The following SCAI variants were observed in gnomAD, a reference collection of about 807,000 sequenced individuals.
SCAI encodes the protein suppressor of cancer cell invasion.
In SCAI, 24 loss-of-function variants were observed where a neutral mutation model predicts 92.2. That is an observed-to-expected ratio of 0.26 (90% confidence interval 0.19 to 0.37). The LOEUF is 0.37. Among genes scored for constraint, SCAI ranks in the 10% least tolerant of loss-of-function variants. The probability of loss-of-function intolerance (pLI) is 1.00; values close to 1 mark genes in which losing one functional copy is unlikely to be tolerated. For missense variants in SCAI, 450 were observed against 736.2 expected, an observed-to-expected ratio of 0.61 and a Z score of 4.50; for synonymous variants, 261 against 258.6, an observed-to-expected ratio of 1.01 and a Z score of -0.09.
At chr9:125,121,178 A>G (rs1026237389) in intron 2 of SCAI, among the ~76,000 whole-genome samples, 2 of 151,428 alleles carry the variant, frequency 1.3e-5, no homozygotes, top group Non-Finnish European at 2.9e-5. Context: ...AAAATCCTTA[A>G]AAGTGAAATA....
At chr9:125,071,352 T>G (rs1028822704) in intron 2 of SCAI, among the ~76,000 whole-genome samples, 14 of 152,170 alleles carry the variant, frequency 9.2e-5, no homozygotes, top group African/African-American at 2.4e-4. Flanking sequence ...TGAACATGAC[T>G]GTGCCACTGC....
At chr9:125,084,175 T>TA in intron 2 of SCAI, among the ~76,000 whole-genome samples, 1 of 131,064 alleles carries the variant, frequency 7.6e-6, no homozygotes, top group South Asian at 2.8e-4. Flanking sequence ...TTTTTTTTTT[T>TA]TTTTTTTTTT....
rs1350623294 is a variant in SCAI at position 125,018,809 on chromosome 9, C to A, written c.851G>T (p.Cys284Phe). The change falls in exon 9 of 18, where the codon TGT becomes TTT. Residue 284 changes from cysteine to phenylalanine, a missense_variant. Physicochemically the swap from Cys to Phe is radical, Grantham distance 205. Coordinates refer to ENST00000336505, the MANE Select transcript of SCAI (RefSeq NM_001144877.3). ...TTCACAATTCTTTACCTGATTATTA[C>A]AATTACCAATAATGAGTGCGTCAGC... is the stretch of plus-strand genomic sequence containing the variant. ...SLADALIIGN[C>F]NNQVKFSELT... 5.6e-6 allele frequency: 9 copies of A among 1,607,698 alleles called. No individual in the cohort carries two copies. The highest frequency in any genetic ancestry group is 1.7e-4 in the Middle Eastern group (1 of 6,036).
intron 17 of SCAI, among the ~76,000 whole-genome samples, chr9:124,962,566 G>A (rs760387055): frequency 2.6e-5 from 4 of 152,214 alleles, no homozygotes; most frequent in South Asian, 2.1e-4. Context: ...GGCTGCTAAC[G>A]TAGCTACAGT....
intron 17 of SCAI, among the ~76,000 whole-genome samples, chr9:124,959,427 A>G (rs965705395): frequency 2.0e-5 from 3 of 149,882 alleles, no homozygotes; most frequent in African/African-American, 7.3e-5. Context: ...GAATGTAACT[A>G]TGGTACAACC....
chr9:125,044,084 C>T (rs1833386099), intron 3 of SCAI, among the ~76,000 whole-genome samples: 1 of 152,288 alleles, frequency 6.6e-6, no homozygotes, highest in East Asian at 1.9e-4. Flanking sequence ...AAAGTTGTGG[C>T]CAAGCCTGGG....
intron 17 of SCAI, among the ~76,000 whole-genome samples, chr9:124,965,616 T>C (rs116019319): frequency 0.027 from 4,086 of 152,302 alleles, 204 homozygotes; most frequent in African/African-American, 0.091. Context: ...TCACAAAAAG[T>C]GTAAGGTTTT....
At chr9:124,976,932 G>T (rs769523085) in intron 14 of SCAI, among the ~76,000 whole-genome samples, 1 of 151,046 alleles carries the variant, frequency 6.6e-6, no homozygotes, top group African/African-American at 2.4e-5. Flanking sequence ...GCAATGGCAC[G>T]ATCTCGGTTC....
chr9:125,097,833 A>C (rs1462859044), intron 2 of SCAI, among the ~76,000 whole-genome samples: 1 of 151,772 alleles, frequency 6.6e-6, no homozygotes, highest in East Asian at 1.9e-4. Context: ...TCAAGAATTA[A>C]AATAATAGCA....
intron 2 of SCAI, among the ~76,000 whole-genome samples, chr9:125,062,478 C>T (rs1347843219): frequency 6.6e-6 from 1 of 150,690 alleles, no homozygotes; most frequent in Non-Finnish European, 1.5e-5. Flanking sequence ...AGGCTGGGCG[C>T]AGTGGCTCAT....
intron 3 of SCAI, among the ~76,000 whole-genome samples, chr9:125,053,302 C>T (rs1833598761): frequency 6.6e-6 from 1 of 152,092 alleles, no homozygotes; most frequent in African/African-American, 2.4e-5. Flanking sequence ...TCATTGCACT[C>T]CAGCCCGGAC....
intron 9 of SCAI, among the ~76,000 whole-genome samples, chr9:125,017,609 G>A (rs1430296994): frequency 1.3e-5 from 2 of 152,076 alleles, no homozygotes; most frequent in Non-Finnish European, 2.9e-5. Flanking sequence ...TGTATTCACT[G>A]GTGTAATTTC....
At chr9:125,100,827 G>C (rs1182914761) in intron 2 of SCAI, among the ~76,000 whole-genome samples, 1 of 152,202 alleles carries the variant, frequency 6.6e-6, no homozygotes, top group East Asian at 1.9e-4. Context: ...TAAACCGTGA[G>C]GGAAATGTGG....
intron 2 of SCAI, among the ~76,000 whole-genome samples, chr9:125,061,155 G>A (rs989199622): frequency 1.3e-5 from 2 of 152,138 alleles, no homozygotes; most frequent in East Asian, 3.9e-4. Flanking sequence ...AAATTAGCTG[G>A]GCGTGGTGGC....
intron 2 of SCAI, among the ~76,000 whole-genome samples, chr9:125,084,158 CTTTTTTTTTTT>C (rs34786493): frequency 9.5e-4 from 62 of 65,136 alleles, no homozygotes; most frequent in African/African-American, 3.8e-3. Flanking sequence ...TTGGCTGCTG[CTTTTTTTTTTT>C]TTTTTTTTTT....
At chr9:125,046,194 G>GATATATATATATATATAT (rs1554784565) in intron 3 of SCAI, among the ~76,000 whole-genome samples, 1 of 15,526 alleles carries the variant, frequency 6.4e-5, no homozygotes, top group Non-Finnish European at 1.4e-4. Context: ...AAGAAATTGT[G>GATATATATATATATATAT]AGATATATAT....
At chr9:125,022,134 C>A (rs991404867) in intron 6 of SCAI, among the ~76,000 whole-genome samples, 3 of 151,984 alleles carry the variant, frequency 2.0e-5, no homozygotes, top group African/African-American at 7.3e-5. Context: ...TATTAGATAT[C>A]ATATATCAAA....
intron 2 of SCAI, among the ~76,000 whole-genome samples, chr9:125,132,572 T>C (rs1835425603): frequency 4.6e-5 from 7 of 152,198 alleles, no homozygotes; most frequent in Admixed American, 4.6e-4. Flanking sequence ...ACCGCCTGGT[T>C]AAAGACAGTT....
intron 13 of SCAI, among the ~76,000 whole-genome samples, chr9:124,996,048 T>A (rs563889189): frequency 1.3e-5 from 2 of 152,196 alleles, no homozygotes; most frequent in Non-Finnish European, 2.9e-5. Flanking sequence ...AACTTCATTA[T>A]ATTTCAAATA....
Sources: allele counts gnomAD v4.1 joint callset (sites outside exome capture counted in the v4.1 genomes callset), GRCh38; gene constraint gnomAD v4.1.1; transcripts MANE v1.5; gene names NCBI Gene and HGNC (gene_info 2026-07-23, HGNC 2026-07-21).